The following MBP variants were observed in gnomAD, a reference collection of about 807,000 sequenced individuals.
The protein encoded by MBP is Golli-MBP.
In MBP, 16 loss-of-function variants were observed where a neutral mutation model predicts 35.8. That is an observed-to-expected ratio of 0.45 (90% CI 0.30 to 0.68). MBP has a LOEUF of 0.68. Among genes scored for constraint, MBP ranks in the 30% least tolerant of loss-of-function variants. The pLI is 0.08. For missense variants in MBP, 380 were observed against 404.7 expected, an observed-to-expected ratio of 0.94 and a Z score of 0.52; for synonymous variants, 143 against 159.6, an observed-to-expected ratio of 0.90 and a Z score of 0.78.
chr18:76,979,726 C>G lies in MBP; in HGVS notation c.*701G>C. ...TTCCTATGTGAGGCCATTGCCCAGC[C>G]CACGTTTGCCTCCTTTTCCTCCCTC... On this transcript the variant is annotated 3_prime_UTR_variant, in exon 9 of 9. Coordinates refer to ENST00000355994, the MANE Select transcript of MBP (RefSeq NM_001025101.2). The G allele has an allele frequency of 1.8e-6, 1 of 566,056 alleles. No homozygotes were observed. Among genetic ancestry groups the G allele is most frequent in the East Asian group, 3.0e-5 (1 of 33,714 alleles). The allele number at this position is 566,056 out of a possible 1,614,324, so 35.1% of individuals were successfully genotyped here. A position where few individuals can be genotyped will look rare whatever the true frequency, so the allele number is the denominator to read the frequency against.
At chr18:77,033,529 C>T (rs1364427785) in intron 3 of MBP, among the ~76,000 whole-genome samples, 1 of 151,704 alleles carries the variant, frequency 6.6e-6, no homozygotes, top group Admixed American at 6.6e-5. Flanking sequence ...GGAGTAAGGC[C>T]CTATACAGTT....
intron 3 of MBP, among the ~76,000 whole-genome samples, chr18:77,022,746 T>G (rs377385808): frequency 2.4e-4 from 36 of 152,346 alleles, no homozygotes; most frequent in African/African-American, 7.9e-4. Flanking sequence ...GGGCTTTGTG[T>G]CCCTGAATGC....
At chr18:77,108,530 C>T (rs1976350829) in intron 1 of MBP, 2 of 152,206 alleles carry the variant, frequency 1.3e-5, no homozygotes, top group African/African-American at 4.8e-5. Flanking sequence ...GTATTCAGTT[C>T]TAGATCCGAT....
At chr18:76,987,049 C>T (rs1201851958) in intron 7 of MBP, 1 of 985,434 alleles carries the variant, frequency 1.0e-6, no homozygotes, top group Non-Finnish European at 1.2e-6. Flanking sequence ...AGAAATTCAA[C>T]AGACATTAGT....
At chr18:77,051,836 A>G (rs1210536039) in intron 3 of MBP, among the ~76,000 whole-genome samples, 1 of 152,152 alleles carries the variant, frequency 6.6e-6, no homozygotes, top group Non-Finnish European at 1.5e-5. Context: ...CCTGCATGTA[A>G]CAGTGGGCTT....
intron 1 of MBP, chr18:77,110,132 A>G (rs545022603): frequency 6.6e-6 from 1 of 152,350 alleles, no homozygotes; most frequent in Admixed American, 6.5e-5. Context: ...TCTAGCTATG[A>G]GAATGCCTCT....
rs527568233 is a variant in MBP at position 76,988,021 on chromosome 18, C to T, written c.750+474G>A. The T allele has an allele frequency of 1.5e-5, 21 of 1,358,328 alleles. No individual in the cohort carries two copies. Among genetic ancestry groups the T allele is most frequent in the African/African-American group, 1.2e-4 (8 of 68,406 alleles). The allele number at this position is 1,358,328 out of a possible 1,614,324, so 84.1% of individuals were successfully genotyped here. ...TTGGATTAATGAGGTTATTATAAAT[C>T]GAGCAACTCTATTTAGCCTCTTTTT... is the stretch of plus-strand genomic sequence containing the variant. On this transcript the variant is annotated intron_variant, in intron 7 of 8. Transcript: ENST00000355994. The surrounding 1 kb of genome is among the most constrained non-coding windows in gnomAD (Gnocchi z 5.2).
intron 2 of MBP, among the ~76,000 whole-genome samples, chr18:77,076,563 G>A (rs1974660165): frequency 1.3e-5 from 2 of 152,232 alleles, no homozygotes; most frequent in Non-Finnish European, 2.9e-5. Context: ...TGAAGCTGCT[G>A]CTGCTTCAGT....
At chr18:77,125,133 C>G (rs1221305763) in intron 1 of MBP, among the ~76,000 whole-genome samples, 1 of 152,178 alleles carries the variant, frequency 6.6e-6, no homozygotes, top group Admixed American at 6.5e-5. Context: ...CCTGCCCTTT[C>G]TTCTTCCTCT....
intron 1 of MBP, among the ~76,000 whole-genome samples, chr18:77,124,742 C>T (rs1164581590): frequency 6.6e-6 from 1 of 152,182 alleles, no homozygotes; most frequent in East Asian, 1.9e-4. Flanking sequence ...TGAGCCAGGT[C>T]GCCTGCAGAG....
At chr18:77,081,875 G>A (rs74201290) in intron 2 of MBP, among the ~76,000 whole-genome samples, 1,027 of 29,300 alleles carry the variant, frequency 0.035, 8 homozygotes, top group Non-Finnish European at 0.067. Context: ...TTTTTGAGAC[G>A]GAGTCTCGCT....
rs1969774000 is a variant in MBP at position 76,989,623 on chromosome 18, C to T, written c.681+333G>A. 1 of 313,648 alleles carries T rather than the reference C, an allele frequency of 3.2e-6. No individual in the cohort carries two copies. Among genetic ancestry groups the T allele is most frequent in the Non-Finnish European group, 6.1e-6 (1 of 164,486 alleles). 19.4% of individuals were successfully genotyped at this position (313,648 alleles called of 1,614,324 possible). ...AAAATGCCCTGTGCTCTCTCTGCTGCCCCCTCCGCTCCCAGCCCATGGCAA... is the reference window on the plus strand; with the variant it reads ...AAAATGCCCTGTGCTCTCTCTGCTGTCCCCTCCGCTCCCAGCCCATGGCAA... On this transcript the variant is annotated intron_variant, in intron 5 of 8. Coordinates refer to ENST00000355994, the MANE Select transcript of MBP (RefSeq NM_001025101.2). This position sits in a 1 kb window ranked among gnomAD's most constrained non-coding sequence, Gnocchi z 4.0.
rs111603700 is a variant in MBP at position 77,125,066 on chromosome 18, C to T, written c.-26+7514G>A. ...TTTTAGATCAATTTCTTTATCCTTC[C>T]TTTCTGCACTTATATTACTTGAACA... On this transcript the variant is annotated intron_variant, in intron 1 of 8. Coordinates refer to ENST00000355994, the MANE Select transcript of MBP (RefSeq NM_001025101.2). Among the ~76,000 whole-genome samples, 875 of 152,270 alleles carry T rather than the reference C, an allele frequency of 5.7e-3. 11 individuals carry two copies. The highest frequency in any genetic ancestry group is 0.02 in the African/African-American group (838 of 41,548).
chr18:77,069,115 T>A (rs1974325750), intron 2 of MBP: 1 of 455,676 alleles, frequency 2.2e-6, no homozygotes, highest in African/African-American at 2.0e-5. Flanking sequence ...CGGTGAATAC[T>A]GTGAGAACAA....
intron 1 of MBP, among the ~76,000 whole-genome samples, chr18:77,112,413 C>T (rs1393114121): frequency 6.6e-6 from 1 of 152,248 alleles, no homozygotes; most frequent in African/African-American, 2.4e-5. Flanking sequence ...GAGGAGAACG[C>T]CACTGACGCT....
intron 7 of MBP, chr18:76,985,226 GAGA>G (rs1167389847): frequency 3.6e-6 from 5 of 1,389,112 alleles, no homozygotes; most frequent in African/African-American, 1.4e-5. Context: ...GGGTGTTCAA[GAGA>G]AGATTAGCAA....
intron 2 of MBP, among the ~76,000 whole-genome samples, chr18:77,074,875 A>G (rs1782701749): frequency 6.6e-6 from 1 of 152,258 alleles, no homozygotes; most frequent in Non-Finnish European, 1.5e-5. Flanking sequence ...ACATTCATGT[A>G]AAGATCACAG....
At chr18:77,073,313 TG>T (rs371262624) in intron 2 of MBP, among the ~76,000 whole-genome samples, 1 of 152,216 alleles carries the variant, frequency 6.6e-6, no homozygotes, top group African/African-American at 2.4e-5. Context: ...TTAAGAACAG[TG>T]GCACATTTGA....
intron 3 of MBP, among the ~76,000 whole-genome samples, chr18:77,063,935 TG>T (rs1486997766): frequency 6.6e-5 from 10 of 152,024 alleles, no homozygotes; most frequent in Non-Finnish European, 1.2e-4. Context: ...TGTGTGTATT[TG>T]ATGGTAACAG....
Sources: allele counts gnomAD v4.1 joint callset (sites outside exome capture counted in the v4.1 genomes callset), GRCh38; gene constraint gnomAD v4.1.1; non-coding constraint Gnocchi (gnomAD v3.1); transcripts MANE v1.5; gene names NCBI Gene and HGNC (gene_info 2026-07-23, HGNC 2026-07-21).